Variants in NLGN4X observed in about 807,000 individuals in gnomAD.
The protein encoded by NLGN4X is neuroligin-4, X-linked.
In NLGN4X, 3 loss-of-function variants were observed where a neutral mutation model predicts 40.3. That is an observed-to-expected ratio of 0.07 (90% CI 0.03 to 0.19). NLGN4X has a LOEUF of 0.19. Ranked by LOEUF, NLGN4X falls within the 10% of genes least tolerant of loss-of-function variation. NLGN4X has a pLI of 1.00. For missense variants in NLGN4X, 382 were observed against 708.3 expected (o/e 0.54, Z 5.23); for synonymous variants, 270 against 306.8 (o/e 0.88, Z 1.25).
At chrX:5,997,410 CA>C (rs1419210577) in intron 3 of NLGN4X, among the ~76,000 whole-genome samples, 2 of 101,491 alleles carry the variant, frequency 2.0e-5, no homozygotes, top group Non-Finnish European at 4.0e-5. Context: ...GACCTATAAG[CA>C]AAATAAAATT....
chrX:6,180,300 G>A (rs1256800350), intron 1 of NLGN4X, among the ~76,000 whole-genome samples: 1 of 111,493 alleles, frequency 9.0e-6, no homozygotes, highest in Admixed American at 9.6e-5. Flanking sequence ...GATGATGGGG[G>A]CGGAGTTCTC....
intron 3 of NLGN4X, among the ~76,000 whole-genome samples, chrX:5,917,509 T>A (rs970751293): frequency 8.9e-6 from 1 of 112,437 alleles, no homozygotes; most frequent in Non-Finnish European, 1.9e-5. Context: ...TGTGGTGGAA[T>A]CTATTGCAAA....
rs1232287240 is a variant in NLGN4X, at chrX:6,074,167, C to T, written c.473-44735G>A. ...AAGGCTGCAGCAGGCATATGGGAAC[C>T]ATCTGCTCCACAAAGGACAGCTGAG... is the stretch of plus-strand genomic sequence containing the variant. On this transcript the variant is annotated intron_variant, in intron 2 of 5. Transcript: ENST00000381095. 2.7e-5 allele frequency among the ~76,000 whole-genome samples: 3 copies of T among 111,195 alleles called. No individual in the cohort carries two copies. In the East Asian group the frequency reaches 8.6e-4, roughly 32 times the overall value.
intron 3 of NLGN4X, among the ~76,000 whole-genome samples, chrX:5,964,654 A>C (rs930212565): frequency 4.6e-5 from 5 of 108,654 alleles, no homozygotes; most frequent in African/African-American, 1.7e-4. Context: ...CTATAGGCAC[A>C]TGCCACCATG....
At chrX:6,103,428 T>C (rs1358835727) in intron 2 of NLGN4X, among the ~76,000 whole-genome samples, 1 of 112,073 alleles carries the variant, frequency 8.9e-6, no homozygotes, top group Admixed American at 9.5e-5. Flanking sequence ...TTAGGGTAAC[T>C]AGTAGACATA....
chrX:6,002,167 G>T (rs1053344442), intron 3 of NLGN4X, among the ~76,000 whole-genome samples: 2 of 111,817 alleles, frequency 1.8e-5, no homozygotes, highest in African/African-American at 3.3e-5. Context: ...TTGTGCATGA[G>T]ACTAGAACTC....
intron 2 of NLGN4X, among the ~76,000 whole-genome samples, chrX:6,063,854 T>G (rs1201778812): frequency 1.8e-5 from 2 of 111,952 alleles, no homozygotes; most frequent in Non-Finnish European, 3.8e-5. Flanking sequence ...CTTCACAAAA[T>G]ACAAAAATAC....
intron 3 of NLGN4X, among the ~76,000 whole-genome samples, chrX:6,026,708 G>C (rs1439780059): frequency 9.0e-6 from 1 of 111,643 alleles, no homozygotes. Flanking sequence ...AATGTAAATA[G>C]ACCGGCATAG....
intron 1 of NLGN4X, among the ~76,000 whole-genome samples, chrX:6,183,290 C>G (rs369986938): frequency 1.8e-3 from 199 of 112,260 alleles, no homozygotes; most frequent in African/African-American, 5.6e-3. Flanking sequence ...GCTCACGCCT[C>G]TAATCCCAGC....
intron 5 of NLGN4X, among the ~76,000 whole-genome samples, chrX:5,901,599 T>G (rs2146722089): frequency 9.0e-6 from 1 of 111,301 alleles, no homozygotes; most frequent in East Asian, 2.8e-4. Flanking sequence ...TTTGTATATT[T>G]TATATTTTCT....
chrX:6,036,927 C>T (rs983482443), intron 2 of NLGN4X, among the ~76,000 whole-genome samples: 2 of 111,137 alleles, frequency 1.8e-5, no homozygotes, highest in Admixed American at 9.6e-5. Flanking sequence ...TCTGATGTCC[C>T]CATTTAGTGC....
intron 3 of NLGN4X, among the ~76,000 whole-genome samples, chrX:5,962,235 C>T (rs1276740798): frequency 8.9e-6 from 1 of 112,068 alleles, no homozygotes; most frequent in Non-Finnish European, 1.9e-5. Context: ...ATTCTAATAA[C>T]GCCTAAACCT....
intron 2 of NLGN4X, among the ~76,000 whole-genome samples, chrX:6,123,996 G>T (rs960198607): frequency 4.5e-5 from 5 of 110,003 alleles, no homozygotes; most frequent in African/African-American, 1.6e-4. Context: ...TTGTTGAAAA[G>T]ATATATTTAA....
At position 5,926,789 on chromosome X, in the gene NLGN4X, TACACAC is replaced by T. The variant is rs3072083; in HGVS notation, c.626-17556_626-17551del. 8.9e-3 allele frequency among the ~76,000 whole-genome samples: 831 copies of T among 93,045 alleles called. 2 individuals are homozygous for T. The highest frequency in any genetic ancestry group is 0.016 in the Middle Eastern group (3 of 184). The allele number at this position is 93,045 out of a possible 115,157, so 80.8% of individuals were successfully genotyped here. The stretch of plus-strand genomic sequence containing the variant: ...AGATATATTCTACCTCTAGAGAGCA[TACACAC>T]ACACACACACACACACACACACACA... On this transcript the variant is annotated intron_variant, in intron 3 of 5. Transcript: ENST00000381095.
chrX:6,145,178 T>A (rs1458852610), intron 2 of NLGN4X, among the ~76,000 whole-genome samples: 1 of 111,611 alleles, frequency 9.0e-6, no homozygotes, highest in African/African-American at 3.3e-5. Flanking sequence ...GTTTTATCTC[T>A]TCTTACTCCT....
At chrX:6,182,092 C>T (rs1378350557) in intron 1 of NLGN4X, among the ~76,000 whole-genome samples, 1 of 111,633 alleles carries the variant, frequency 9.0e-6, no homozygotes, top group Non-Finnish European at 1.9e-5. Flanking sequence ...TGTGGCTAAA[C>T]ACTGCTGGTA....
At chrX:6,091,050 A>AAGGG (rs200150512) in intron 2 of NLGN4X, among the ~76,000 whole-genome samples, 18,513 of 88,200 alleles carry the variant, frequency 0.21, 2,094 homozygotes, top group Non-Finnish European at 0.23. Context: ...GGAAGGAAGG[A>AAGGG]AGGGAGGGAG....
chrX:5,981,493 C>T (rs2035387665), intron 3 of NLGN4X, among the ~76,000 whole-genome samples: 1 of 106,700 alleles, frequency 9.4e-6, no homozygotes, highest in South Asian at 4.2e-4. Flanking sequence ...CTAGTAAAGC[C>T]TACTAGATAA....
At chrX:5,944,931 T>C (rs1157596532) in intron 3 of NLGN4X, among the ~76,000 whole-genome samples, 1 of 111,405 alleles carries the variant, frequency 9.0e-6, no homozygotes, top group Non-Finnish European at 1.9e-5. Context: ...ATGAAGTTAA[T>C]AATAGTACTT....
Sources: gnomAD v4.1 joint callset for allele counts (sites outside exome capture counted in the v4.1 genomes callset) on GRCh38, gnomAD v4.1.1 for gene constraint, MANE v1.5 for transcripts, NCBI Gene and HGNC (gene_info 2026-07-23, HGNC 2026-07-21) for gene names.